CXADR: variants seen among roughly 807,000 people sequenced by gnomAD.
The protein encoded by CXADR is CXADR cell adhesion molecule, also known as coxsackievirus and adenovirus receptor.
A neutral mutation model predicts 40.3 loss-of-function variants in CXADR; 20 were observed. The observed-to-expected ratio is 0.50, with a 90% CI of 0.35 to 0.72. The LOEUF is 0.72. CXADR is among the 30% of genes least tolerant of loss of function. The pLI, the probability that CXADR is intolerant of heterozygous loss-of-function variation, is 0.01. For missense variants in CXADR, 332 were observed against 449.1 expected (o/e 0.74, Z 2.36); for synonymous variants, 150 against 161.3 (o/e 0.93, Z 0.53).
chr21:17,545,665 C>G (rs899075850), intron 1 of CXADR, among the ~76,000 whole-genome samples: 1 of 151,396 alleles, frequency 6.6e-6, no homozygotes, highest in Non-Finnish European at 1.5e-5. Context: ...AATTTTAAGA[C>G]GTCTTTTATA....
At chr21:17,539,074 A>G (rs1027382907) in intron 1 of CXADR, among the ~76,000 whole-genome samples, 5 of 152,128 alleles carry the variant, frequency 3.3e-5, no homozygotes, top group East Asian at 1.9e-4. Flanking sequence ...TGTGCAGATG[A>G]TTGGTGATGC....
chr21:17,586,190 G>T (rs770645547), intron 7 of CXADR, among the ~76,000 whole-genome samples: 1 of 151,764 alleles, frequency 6.6e-6, no homozygotes, highest in Non-Finnish European at 1.5e-5. Flanking sequence ...TTAGCCATTT[G>T]TGTTTCTTTA....
chr21:17,633,480 G>T, the CXADR span, among the ~76,000 whole-genome samples: 3 of 152,156 alleles, frequency 2.0e-5, no homozygotes, highest in Non-Finnish European at 4.4e-5. Flanking sequence ...AGTCACTTGA[G>T]CTGGGCGGAG....
intron 3 of CXADR, among the ~76,000 whole-genome samples, chr21:17,554,625 A>G (rs1453836344): frequency 2.6e-5 from 4 of 152,178 alleles, no homozygotes; most frequent in African/African-American, 9.7e-5. Flanking sequence ...TTTTTCTTCC[A>G]TGTTTTTAGA....
rs2061201595 is a variant in CXADR, at chr21:17,565,839, A to T, written c.*147A>T. The T allele has an allele frequency of 7.6e-7, 1 of 1,320,316 alleles. No individual in the cohort carries two copies. Among genetic ancestry groups the T allele is most frequent in the Admixed American group, 3.6e-5 (1 of 27,886 alleles). The allele number at this position is 1,320,316 out of a possible 1,614,324, so 81.8% of individuals were successfully genotyped here. A position where few individuals can be genotyped will look rare whatever the true frequency, so the allele number is the denominator to read the frequency against. On this transcript the variant is annotated 3_prime_UTR_variant, in exon 7 of 7. Coordinates refer to ENST00000284878, the MANE Select transcript of CXADR (RefSeq NM_001338.5). ...AACTGTACGGAATATATTTTTAAAA[A>T]TTTTTGTTTGGTTATATCGAAATAG...
chr21:17,631,819 C>T, the CXADR span, among the ~76,000 whole-genome samples: 1 of 152,074 alleles, frequency 6.6e-6, no homozygotes, highest in Non-Finnish European at 1.5e-5. Context: ...GACTAGATAC[C>T]ACTTGATTAT....
At chr21:17,528,068 C>CTTTTTTTTTTTTTTTTT (rs35477813) in intron 1 of CXADR, among the ~76,000 whole-genome samples, 1 of 78,352 alleles carries the variant, frequency 1.3e-5, no homozygotes, top group Non-Finnish European at 2.3e-5. Flanking sequence ...TTAGTTCTTT[C>CTTTTTTTTTTTTTTTTT]TTTTTTTTTT....
chr21:17,589,125 T>C (rs777690903), intron 7 of CXADR, among the ~76,000 whole-genome samples: 4 of 152,030 alleles, frequency 2.6e-5, no homozygotes, highest in Non-Finnish European at 4.4e-5. Context: ...ATACTATATT[T>C]AACATTTTTC....
At chr21:17,540,284 G>T (rs981148900) in intron 1 of CXADR, among the ~76,000 whole-genome samples, 1 of 151,946 alleles carries the variant, frequency 6.6e-6, no homozygotes, top group African/African-American at 2.4e-5. Flanking sequence ...ATGAATTTTG[G>T]GGGGGACATG....
At chr21:17,598,887 TA>T in the CXADR span, 29 of 1,353,514 alleles carry the variant, frequency 2.1e-5, no homozygotes, top group Non-Finnish European at 2.8e-5. Flanking sequence ...AAAATGTCCA[TA>T]AAAACAAAGA....
the CXADR span, among the ~76,000 whole-genome samples, chr21:17,620,486 G>A: frequency 6.6e-6 from 1 of 152,128 alleles, no homozygotes; most frequent in Non-Finnish European, 1.5e-5. Context: ...CACCTTAACA[G>A]ATATATTAAT....
chr21:17,602,884 A>C, the CXADR span, among the ~76,000 whole-genome samples: 55 of 152,230 alleles, frequency 3.6e-4, no homozygotes, highest in Admixed American at 3.5e-3. Context: ...GTAACTTGTT[A>C]AACATCCTTG....
chr21:17,604,825 G>C, the CXADR span: 4 of 1,594,598 alleles, frequency 2.5e-6, no homozygotes, highest in Non-Finnish European at 3.4e-6. Flanking sequence ...GTTCCAGCAT[G>C]GTCATCAGTT....
At chr21:17,541,396 CA>C (rs796396260) in intron 1 of CXADR, among the ~76,000 whole-genome samples, 48 of 145,824 alleles carry the variant, frequency 3.3e-4, no homozygotes, top group Non-Finnish European at 3.0e-4. Context: ...ACTAAAAATA[CA>C]AAAAAAAAAA....
chr21:17,593,329 C>A, exon 8 of CXADR: 1 of 770,880 alleles, frequency 1.3e-6, no homozygotes, highest in Non-Finnish European at 1.8e-6. Context: ...CTACTTTATG[C>A]AATGGCATTA....
At chr21:17,600,641 T>C in the CXADR span, among the ~76,000 whole-genome samples, 3 of 151,926 alleles carry the variant, frequency 2.0e-5, no homozygotes, top group East Asian at 3.9e-4. Flanking sequence ...GGTAACATGG[T>C]GAGACCCTGT....
chr21:17,522,348 A>G (rs59846782), intron 1 of CXADR, among the ~76,000 whole-genome samples: 28,748 of 151,924 alleles, frequency 0.19, 4,077 homozygotes, highest in African/African-American at 0.41. Context: ...GGGTTTCTCC[A>G]TGTTAGTCAG....
chr21:17,570,831 A>C (rs384159), downstream of CXADR, among the ~76,000 whole-genome samples: 22,168 of 152,146 alleles, frequency 0.15, 1,696 homozygotes, highest in African/African-American at 0.21. Flanking sequence ...CCAGAATGGG[A>C]TGTTGATGCT....
rs185500626 is a variant in CXADR, at chr21:17,550,664, T to C, written c.211-1085T>C. Among the ~76,000 whole-genome samples the C allele has an allele frequency of 2.6e-3, 400 of 152,290 alleles. 3 individuals are homozygous for C. Among genetic ancestry groups the C allele is most frequent in the African/African-American group, 9.5e-3 (393 of 41,556 alleles). Reference sequence around the variant, plus strand: ...AGATTTCATTAGCAAAAAAGAAAAATTATAAAATGTGTTAAATTAATGTTA... The same window carrying C: ...AGATTTCATTAGCAAAAAAGAAAAACTATAAAATGTGTTAAATTAATGTTA... On this transcript the variant is annotated intron_variant, in intron 2 of 6. Coordinates refer to ENST00000284878, the MANE Select transcript of CXADR (RefSeq NM_001338.5).
Sources: allele counts gnomAD v4.1 joint callset (sites outside exome capture counted in the v4.1 genomes callset), GRCh38; gene constraint gnomAD v4.1.1; transcripts MANE v1.5; gene names NCBI Gene and HGNC (gene_info 2026-07-23, HGNC 2026-07-21).